Variants in PIK3C2G observed in about 807,000 individuals in gnomAD.
PIK3C2G encodes the protein phosphatidylinositol-4-phosphate 3-kinase catalytic subunit type 2 gamma, also known as phosphatidylinositol 3-kinase C2 domain-containing subunit gamma.
In PIK3C2G, 168 loss-of-function variants were observed where a neutral mutation model predicts 181.1. That is an observed-to-expected ratio of 0.93 (90% CI 0.82 to 1.05). PIK3C2G has a LOEUF of 1.05. Ranked by LOEUF, PIK3C2G falls within the 50% of genes least tolerant of loss-of-function variation. The pLI is 0.00. For missense variants in PIK3C2G, 1,869 were observed against 1,732.8 expected, an observed-to-expected ratio of 1.08 and a Z score of -1.40; for synonymous variants, 573 against 592.2, an observed-to-expected ratio of 0.97 and a Z score of 0.47.
At chr12:18,311,018 A>G (rs1950613862) in intron 5 of PIK3C2G, among the ~76,000 whole-genome samples, 1 of 152,050 alleles carries the variant, frequency 6.6e-6, no homozygotes, top group African/African-American at 2.4e-5. Flanking sequence ...GAAAAAGGGA[A>G]AGGGAAGAAT....
At chr12:18,316,507 C>T (rs1950868110) in intron 6 of PIK3C2G, among the ~76,000 whole-genome samples, 1 of 152,084 alleles carries the variant, frequency 6.6e-6, no homozygotes, top group African/African-American at 2.4e-5. Flanking sequence ...CTTCATGGTT[C>T]AACTTACAAG....
chr12:18,601,894 G>T (rs778400428), intron 30 of PIK3C2G, among the ~76,000 whole-genome samples: 1 of 152,066 alleles, frequency 6.6e-6, no homozygotes, highest in Non-Finnish European at 1.5e-5. Context: ...CTGTGAGCTC[G>T]CTGGGTCCCC....
At chr12:18,408,756 T>A (rs1944686593) in intron 16 of PIK3C2G, among the ~76,000 whole-genome samples, 1 of 151,990 alleles carries the variant, frequency 6.6e-6, no homozygotes. Flanking sequence ...GAAGGACTTC[T>A]CAAAAGAAGA....
the PIK3C2G span, chr12:18,701,704 A>G: frequency 6.2e-7 from 1 of 1,613,002 alleles, no homozygotes; most frequent in Non-Finnish European, 8.5e-7. Flanking sequence ...CGCTTATCAG[A>G]ACCTTTTCTT....
At chr12:18,415,794 C>T (rs11044089) in intron 16 of PIK3C2G, among the ~76,000 whole-genome samples, 23,129 of 152,106 alleles carry the variant, frequency 0.15, 2,129 homozygotes, top group South Asian at 0.37. Context: ...GGGACAAAGT[C>T]GGAGTGATTT....
At chr12:18,485,253 C>T (rs1447624869) in intron 18 of PIK3C2G, among the ~76,000 whole-genome samples, 1 of 152,130 alleles carries the variant, frequency 6.6e-6, no homozygotes, top group Admixed American at 6.6e-5. Flanking sequence ...ACTATCTGTA[C>T]TTTTCCTGTG....
At chr12:18,609,756 A>T in intron 31 of PIK3C2G, 127 bp downstream of exon 31, 1 of 607,462 alleles carries the variant, frequency 1.6e-6, no homozygotes, top group African/African-American at 1.9e-5. Flanking sequence ...GTAAGAAACA[A>T]TGAGCCAATT....
intron 15 of PIK3C2G, among the ~76,000 whole-genome samples, chr12:18,395,002 CTT>C (rs1943770051): frequency 6.8e-6 from 1 of 147,104 alleles, no homozygotes; most frequent in African/African-American, 2.5e-5. Context: ...TTTTCTTTCT[CTT>C]TCTTTCTTCT....
intron 31 of PIK3C2G, among the ~76,000 whole-genome samples, chr12:18,612,550 G>A (rs1175206406): frequency 6.6e-6 from 1 of 152,046 alleles, no homozygotes; most frequent in Non-Finnish European, 1.5e-5. Flanking sequence ...TCACAGCAAA[G>A]TTATGCATTG....
intron 4 of PIK3C2G, among the ~76,000 whole-genome samples, chr12:18,293,085 G>A (rs1005611615): frequency 3.9e-5 from 6 of 152,074 alleles, no homozygotes; most frequent in South Asian, 2.1e-4. Context: ...TAATTGCTCC[G>A]TAAAATATAG....
At chr12:18,261,617 C>T (rs1252871327) in intron 1 of PIK3C2G, 40 bp downstream of exon 1, 1 of 152,110 alleles carries the variant, frequency 6.6e-6, no homozygotes, top group African/African-American at 2.4e-5. Context: ...TACTTAACTA[C>T]ATAGCATGAT....
At chr12:18,510,178 C>CTA in intron 24 of PIK3C2G, among the ~76,000 whole-genome samples, 1 of 152,216 alleles carries the variant, frequency 6.6e-6, no homozygotes, top group South Asian at 2.1e-4. Context: ...ACCATGTTGC[C>CTA]CAGGCTGGTC....
chr12:18,645,216 A>G (rs914153481), intron 32 of PIK3C2G, among the ~76,000 whole-genome samples: 6 of 152,108 alleles, frequency 3.9e-5, no homozygotes, highest in Non-Finnish European at 1.5e-5. Flanking sequence ...TTTGACGAAA[A>G]GGTCTCAAAG....
chr12:18,563,344 A>G (rs761960738), intron 27 of PIK3C2G, 33 bp from the exon 28 acceptor site: 2 of 1,578,960 alleles, frequency 1.3e-6, no homozygotes, highest in Non-Finnish European at 1.7e-6. Context: ...TGATATTGCC[A>G]TCTTTTGATT....
chr12:18,296,568 T>C (rs1349772602), intron 5 of PIK3C2G, among the ~76,000 whole-genome samples: 3 of 152,172 alleles, frequency 2.0e-5, no homozygotes, highest in Admixed American at 2.0e-4. Context: ...CCTTGTACTA[T>C]TGCAAAATTA....
the PIK3C2G span, among the ~76,000 whole-genome samples, chr12:18,695,632 C>A: frequency 7.6e-4 from 116 of 152,128 alleles, no homozygotes; most frequent in African/African-American, 2.3e-3. Flanking sequence ...GGCCTTGCCA[C>A]AATCCAGTAG....
intron 15 of PIK3C2G, among the ~76,000 whole-genome samples, chr12:18,394,583 A>T (rs1251806794): frequency 6.6e-6 from 1 of 152,064 alleles, no homozygotes; most frequent in Non-Finnish European, 1.5e-5. Flanking sequence ...AAAGATGTAT[A>T]TGAATGAACA....
At chr12:18,303,115 C>CTTCTTTCTTTTTCTTTCTTTCTTTCT (rs1950254313) in intron 5 of PIK3C2G, among the ~76,000 whole-genome samples, 1 of 136,604 alleles carries the variant, frequency 7.3e-6, no homozygotes, top group African/African-American at 2.8e-5. Context: ...TCTTTCTTTC[C>CTTCTTTCTTTTTCTTTCTTTCTTTCT]TTCTTTCTTT....
intron 29 of PIK3C2G, among the ~76,000 whole-genome samples, chr12:18,570,365 C>T (rs573954405): frequency 6.6e-6 from 1 of 150,886 alleles, no homozygotes; most frequent in Admixed American, 6.6e-5. Context: ...CCCACCACCA[C>T]ACCCAGCCTA....
Sources: allele counts gnomAD v4.1 joint callset (sites outside exome capture counted in the v4.1 genomes callset), GRCh38; gene constraint gnomAD v4.1.1; transcripts MANE v1.5; gene names NCBI Gene and HGNC (gene_info 2026-07-23, HGNC 2026-07-21).